LSAMP: variants seen among roughly 807,000 people sequenced by gnomAD.
The protein encoded by LSAMP is limbic system associated membrane protein.
A neutral mutation model predicts 38.6 loss-of-function variants in LSAMP; 7 were observed. That is an observed-to-expected ratio of 0.18 (90% CI 0.10 to 0.34). The LOEUF is 0.34. Ranked by LOEUF, LSAMP falls within the 10% of genes least tolerant of loss-of-function variation. LSAMP has a pLI of 1.00. For missense variants in LSAMP, 313 were observed against 420.0 expected (o/e 0.75, Z 2.23); for synonymous variants, 154 against 166.8 (o/e 0.92, Z 0.59).
At chr3:116,273,848 T>C (rs925159289) in intron 1 of LSAMP, among the ~76,000 whole-genome samples, 1 of 150,126 alleles carries the variant, frequency 6.7e-6, no homozygotes, top group African/African-American at 2.5e-5. Context: ...TTTCTCTTAA[T>C]GGTCGTCTGG....
rs949815506 is a variant in LSAMP, at chr3:116,239,923, C to A, written c.156-153367G>T. Among the ~76,000 whole-genome samples the A allele has an allele frequency of 2.6e-5, 4 of 152,092 alleles. No homozygotes were observed. In the South Asian group the frequency reaches 6.2e-4, roughly 24 times the overall value. On this transcript the variant is annotated intron_variant, in intron 1 of 6. Transcript: ENST00000490035. ...ATCAGTTAAATTACATTTCATACTT[C>A]TTTATATGAATAAGTTTATAATCTA...
At chr3:116,090,652 T>C (rs1264452973) in intron 1 of LSAMP, among the ~76,000 whole-genome samples, 2 of 151,962 alleles carry the variant, frequency 1.3e-5, no homozygotes, top group African/African-American at 4.8e-5. Context: ...GCTTGAGAAA[T>C]AAAAGGACAG....
At chr3:116,328,755 A>G (rs898016921) in intron 1 of LSAMP, among the ~76,000 whole-genome samples, 3 of 152,152 alleles carry the variant, frequency 2.0e-5, no homozygotes, top group Admixed American at 6.6e-5. Flanking sequence ...TACATTACCA[A>G]TGCTCTAGAG....
At chr3:116,293,675 A>G (rs1389111959) in intron 1 of LSAMP, among the ~76,000 whole-genome samples, 1 of 152,172 alleles carries the variant, frequency 6.6e-6, no homozygotes, top group African/African-American at 2.4e-5. Context: ...ATATTATCTA[A>G]AGTTAATAAA....
At chr3:115,919,991 C>T (rs552329417) in intron 3 of LSAMP, among the ~76,000 whole-genome samples, 108 of 151,162 alleles carry the variant, frequency 7.1e-4, no homozygotes, top group Non-Finnish European at 6.5e-4. Flanking sequence ...GCATAACATC[C>T]TCAAGCTCCA....
At chr3:115,996,971 T>G (rs1460042419) in intron 3 of LSAMP, among the ~76,000 whole-genome samples, 1 of 152,102 alleles carries the variant, frequency 6.6e-6, no homozygotes, top group Non-Finnish European at 1.5e-5. Context: ...GCTGACTGGC[T>G]GGCAAGATCC....
chr3:116,431,130 C>T (rs2049274888), intron 1 of LSAMP, among the ~76,000 whole-genome samples: 3 of 151,592 alleles, frequency 2.0e-5, no homozygotes, highest in Admixed American at 2.0e-4. Context: ...TGGTTTTATC[C>T]AAGTGTTGAT....
At chr3:116,110,295 A>G (rs1446850103) in intron 1 of LSAMP, among the ~76,000 whole-genome samples, 3 of 151,260 alleles carry the variant, frequency 2.0e-5, no homozygotes, top group South Asian at 4.2e-4. Context: ...GGTAGAGACA[A>G]GGAGAGAAGG....
At chr3:116,048,311 A>G (rs753336177) in intron 2 of LSAMP, among the ~76,000 whole-genome samples, 15 of 152,222 alleles carry the variant, frequency 9.9e-5, no homozygotes, top group Admixed American at 2.6e-4. Context: ...TCAAAGAATC[A>G]CCAAACAAAA....
chr3:116,221,425 A>AGCTCTGAACTAGCTAC (rs2046283659), intron 1 of LSAMP, among the ~76,000 whole-genome samples: 2 of 152,130 alleles, frequency 1.3e-5, no homozygotes, highest in Admixed American at 6.6e-5. Flanking sequence ...CTCCCATCCC[A>AGCTCTGAACTAGCTAC]GCTCTGAACT....
At chr3:116,119,775 C>T (rs1352533862) in intron 1 of LSAMP, among the ~76,000 whole-genome samples, 1 of 151,830 alleles carries the variant, frequency 6.6e-6, no homozygotes, top group African/African-American at 2.4e-5. Flanking sequence ...ATTCTCCTGC[C>T]TCAGCCTCCC....
At chr3:115,887,968 G>A (rs1416892809) in intron 3 of LSAMP, among the ~76,000 whole-genome samples, 1 of 151,832 alleles carries the variant, frequency 6.6e-6, no homozygotes, top group African/African-American at 2.4e-5. Context: ...CAGTAAAGGA[G>A]GTCAGATCCC....
At chr3:116,409,344 T>C in intron 1 of LSAMP, among the ~76,000 whole-genome samples, 1 of 152,032 alleles carries the variant, frequency 6.6e-6, no homozygotes, top group East Asian at 1.9e-4. Flanking sequence ...GAAACATGTC[T>C]TTTTGTAAGG....
intron 1 of LSAMP, among the ~76,000 whole-genome samples, chr3:116,251,904 T>G (rs954232390): frequency 1.4e-4 from 21 of 152,200 alleles, no homozygotes; most frequent in African/African-American, 5.1e-4. Context: ...AAAAACTCAT[T>G]CTGCTTCTCA....
chr3:116,250,659 T>G (rs1217775689), intron 1 of LSAMP, among the ~76,000 whole-genome samples: 1 of 149,082 alleles, frequency 6.7e-6, no homozygotes, highest in Non-Finnish European at 1.5e-5. Context: ...CTCGAGAGTT[T>G]GAGACCAGCC....
rs1707991636 is a variant in LSAMP at position 116,086,464 on chromosome 3, C to T, written c.248G>A (p.Arg83Gln). 1 of 1,613,986 alleles carries T rather than the reference C, an allele frequency of 6.2e-7. No homozygotes were observed. The highest frequency in any genetic ancestry group is 1.3e-5 in the African/African-American group (1 of 74,898). ...AGAATGGCGTTTCTCCAGCTCAACC[C>T]GTGGGTCCAGAGACCACTTGTCATG... ...AGHDKWSLDPRVELEKRHSLE... is the reference protein window; with the variant it reads ...AGHDKWSLDPQVELEKRHSLE... The change falls in exon 2 of 7, where the codon CGG becomes CAG. Residue 83 changes from arginine (R) to glutamine (Q), a missense_variant. Physicochemically the swap from Arg to Gln is conservative, Grantham distance 43. Coordinates refer to ENST00000490035, the MANE Select transcript of LSAMP (RefSeq NM_002338.5).
chr3:116,162,060 TG>T (rs1709901109), intron 1 of LSAMP, among the ~76,000 whole-genome samples: 1 of 152,040 alleles, frequency 6.6e-6, no homozygotes, highest in Non-Finnish European at 1.5e-5. Context: ...AGAACATTAA[TG>T]GATCCACCGC....
intron 1 of LSAMP, among the ~76,000 whole-genome samples, chr3:116,405,960 T>C (rs1387905327): frequency 6.6e-6 from 1 of 152,180 alleles, no homozygotes; most frequent in African/African-American, 2.4e-5. Flanking sequence ...TAGAAAATTA[T>C]CTGGACTCTC....
chr3:116,037,071 G>A (rs1272675535), intron 2 of LSAMP, among the ~76,000 whole-genome samples: 1 of 152,026 alleles, frequency 6.6e-6, no homozygotes, highest in Non-Finnish European at 1.5e-5. Context: ...GCAAGGACTC[G>A]GGGACCTCTG....
Sources: gnomAD v4.1 joint callset for allele counts (sites outside exome capture counted in the v4.1 genomes callset) on GRCh38, gnomAD v4.1.1 for gene constraint, MANE v1.5 for transcripts, NCBI Gene and HGNC (gene_info 2026-07-23, HGNC 2026-07-21) for gene names.